The following CNTNAP2 variants were observed in gnomAD, a reference collection of about 807,000 sequenced individuals.
CNTNAP2 encodes the protein contactin-associated protein-like 2.
A neutral mutation model predicts 155.2 loss-of-function variants in CNTNAP2; 98 were observed. The ratio of observed to expected loss-of-function variants is 0.63; its 90% CI spans 0.54 to 0.75. The LOEUF (loss-of-function observed/expected upper bound fraction) is 0.75, where lower values mean the gene tolerates loss of function less well. Ranked by LOEUF, CNTNAP2 falls within the 30% of genes least tolerant of loss-of-function variation. The probability of loss-of-function intolerance (pLI) is 0.00; values close to 1 mark genes in which losing one functional copy is unlikely to be tolerated. For synonymous variants in CNTNAP2, 651 were observed against 631.2 expected, an observed-to-expected ratio of 1.03 and a Z score of -0.47; for missense variants, 1,727 against 1,688.1, an observed-to-expected ratio of 1.02 and a Z score of -0.40.
chr7:148,001,644 A>T (rs1231358247), intron 15 of CNTNAP2, among the ~76,000 whole-genome samples: 1 of 152,208 alleles, frequency 6.6e-6, no homozygotes, highest in Non-Finnish European at 1.5e-5. Context: ...GTATATTTGG[A>T]TAGTAGAAAA....
intron 13 of CNTNAP2, among the ~76,000 whole-genome samples, chr7:147,850,594 A>C (rs2116667284): frequency 6.6e-6 from 1 of 152,350 alleles, no homozygotes; most frequent in South Asian, 2.1e-4. Context: ...ATGGAACAGA[A>C]CAGAGGCATC....
intron 8 of CNTNAP2, among the ~76,000 whole-genome samples, chr7:147,251,323 C>T (rs1405331090): frequency 1.3e-5 from 2 of 152,194 alleles, no homozygotes; most frequent in African/African-American, 4.8e-5. Flanking sequence ...CAGGACGAGG[C>T]ATTGTTTGGT....
At chr7:147,996,111 C>T (rs1183637666) in intron 15 of CNTNAP2, among the ~76,000 whole-genome samples, 1 of 152,220 alleles carries the variant, frequency 6.6e-6, no homozygotes, top group Non-Finnish European at 1.5e-5. Flanking sequence ...ATCACTGGGG[C>T]ATGGCAGACC....
At chr7:147,808,389 G>C (rs752475364) in intron 13 of CNTNAP2, among the ~76,000 whole-genome samples, 7 of 152,104 alleles carry the variant, frequency 4.6e-5, no homozygotes, top group Non-Finnish European at 1.0e-4. Flanking sequence ...AGTGGAAAAG[G>C]GATTGCTGGT....
intron 1 of CNTNAP2, among the ~76,000 whole-genome samples, chr7:146,270,484 T>C (rs867809484): frequency 6.6e-4 from 100 of 152,344 alleles, no homozygotes; most frequent in Admixed American, 1.4e-3. Flanking sequence ...ATAATTTTTC[T>C]GATTAGCCCA....
rs1019263898 is a variant in CNTNAP2, at chr7:146,666,748, AGTG to A, written c.98-107519_98-107517del. Among the ~76,000 whole-genome samples, 487 of 152,278 alleles carry A rather than the reference AGTG, an allele frequency of 3.2e-3. 1 individual carries two copies. The highest frequency in any genetic ancestry group is 0.011 in the African/African-American group (454 of 41,570). On this transcript the variant is annotated intron_variant, in intron 1 of 23. Transcript: ENST00000361727. ...TTTAATTTGTATTTCCCTGAGGACT[AGTG>A]GTGTTGAGCATTTTTCATTTGTTGC...
chr7:147,738,025 C>T (rs1050226170), intron 13 of CNTNAP2, among the ~76,000 whole-genome samples: 7 of 152,214 alleles, frequency 4.6e-5, no homozygotes, highest in African/African-American at 1.4e-4. Flanking sequence ...ACCCACTGTC[C>T]TGCACCCACT....
chr7:146,542,232 A>G (rs981826444), intron 1 of CNTNAP2, among the ~76,000 whole-genome samples: 4 of 151,970 alleles, frequency 2.6e-5, no homozygotes, highest in African/African-American at 9.7e-5. Context: ...TGATAGAGGA[A>G]AAAACATTCT....
At chr7:148,222,569 T>C (rs71207507) in intron 19 of CNTNAP2, among the ~76,000 whole-genome samples, 19,558 of 147,160 alleles carry the variant, frequency 0.13, 1,530 homozygotes, top group Admixed American at 0.21. Context: ...CATGAATCTA[T>C]GAATGGATCA....
At chr7:148,063,189 G>A (rs948810219) in intron 15 of CNTNAP2, among the ~76,000 whole-genome samples, 15 of 152,056 alleles carry the variant, frequency 9.9e-5, no homozygotes, top group African/African-American at 3.6e-4. Flanking sequence ...CTTCTGGATT[G>A]CATTATTTCC....
chr7:147,574,252 T>C (rs1407738957), intron 12 of CNTNAP2, among the ~76,000 whole-genome samples: 1 of 152,110 alleles, frequency 6.6e-6, no homozygotes, highest in Non-Finnish European at 1.5e-5. Context: ...TTTCCCTTCT[T>C]TCTTAGTTTT....
intron 1 of CNTNAP2, among the ~76,000 whole-genome samples, chr7:146,537,277 G>C (rs1468272111): frequency 6.6e-6 from 1 of 151,904 alleles, no homozygotes; most frequent in African/African-American, 2.4e-5. Context: ...TATTATAAAT[G>C]TTAAATTAAA....
intron 13 of CNTNAP2, among the ~76,000 whole-genome samples, chr7:147,736,413 C>G (rs1039939834): frequency 6.6e-6 from 1 of 152,168 alleles, no homozygotes; most frequent in African/African-American, 2.4e-5. Flanking sequence ...ATGGGCTTCC[C>G]TTTGTGGGTA....
At chr7:146,637,136 T>G (rs1208000040) in intron 1 of CNTNAP2, among the ~76,000 whole-genome samples, 1 of 152,238 alleles carries the variant, frequency 6.6e-6, no homozygotes, top group African/African-American at 2.4e-5. Flanking sequence ...GTGGCTTACT[T>G]TAAATGATCA....
rs868845523 is a variant in CNTNAP2 at position 147,875,298 on chromosome 7, C to T, written c.2099-28267C>T. Among the ~76,000 whole-genome samples, 3 of 152,272 alleles carry T rather than the reference C, an allele frequency of 2.0e-5. No homozygotes were observed. In the South Asian group the frequency reaches 6.2e-4, roughly 32 times the overall value. ...CACATGGCTGGGAAGGCCTCACAAT[C>T]ACAGTGGAAGGGAAAGGAGGAGCAA... On this transcript the variant is annotated intron_variant, in intron 13 of 23. Coordinates refer to ENST00000361727, the MANE Select transcript of CNTNAP2 (RefSeq NM_014141.6).
At chr7:147,816,133 C>A (rs987009320) in intron 13 of CNTNAP2, among the ~76,000 whole-genome samples, 1 of 149,090 alleles carries the variant, frequency 6.7e-6, no homozygotes. Flanking sequence ...ATTACTTTAA[C>A]AGAATTTCCC....
chr7:148,040,049 G>T (rs754107922), intron 15 of CNTNAP2, among the ~76,000 whole-genome samples: 289 of 152,104 alleles, frequency 1.9e-3, no homozygotes, highest in Non-Finnish European at 2.1e-3. Flanking sequence ...ATATAAATTA[G>T]AACTTGTTAG....
At chr7:148,022,399 G>A (rs1467049016) in intron 15 of CNTNAP2, among the ~76,000 whole-genome samples, 1 of 151,582 alleles carries the variant, frequency 6.6e-6, no homozygotes, top group African/African-American at 2.4e-5. Flanking sequence ...AACCCGGGAG[G>A]CGGAAGTTGC....
chr7:147,200,071 C>T (rs1376785140), intron 8 of CNTNAP2, among the ~76,000 whole-genome samples: 1 of 151,958 alleles, frequency 6.6e-6, no homozygotes, highest in African/African-American at 2.4e-5. Context: ...CCCCCTCCCC[C>T]TCCTCCTTTC....
Sources: gnomAD v4.1 joint callset for allele counts (sites outside exome capture counted in the v4.1 genomes callset) on GRCh38, gnomAD v4.1.1 for gene constraint, MANE v1.5 for transcripts, NCBI Gene and HGNC (gene_info 2026-07-23, HGNC 2026-07-21) for gene names.